The following UNC45A variants were observed in gnomAD, a reference collection of about 807,000 sequenced individuals.
The protein encoded by UNC45A is unc-45 myosin chaperone A, also known as protein unc-45 homolog A.
Under a neutral mutation model 103.2 loss-of-function variants are expected in UNC45A, and 78 were observed. That is an observed-to-expected ratio of 0.76 (90% CI 0.63 to 0.91). UNC45A has a LOEUF of 0.91. UNC45A is among the 40% of genes least tolerant of loss of function. UNC45A has a pLI of 0.00. For missense variants in UNC45A, 1,193 were observed against 1,224.8 expected, an observed-to-expected ratio of 0.97 and a Z score of 0.39; for synonymous variants, 495 against 504.6, an observed-to-expected ratio of 0.98 and a Z score of 0.25.
chr15:90,932,440 T>C, upstream of UNC45A: 1 of 1,364,680 alleles, frequency 7.3e-7, no homozygotes, highest in South Asian at 1.8e-5. Context: ...GATGGGGTGG[T>C]TGATGTAGGG....
In UNC45A at chr15:90,947,784, C is replaced by T. The variant is rs755113293; in HGVS notation, c.1501-12C>T. On this transcript the variant is annotated splice_polypyrimidine_tract_variant and intron_variant, in intron 10 of 19. Coordinates refer to ENST00000418476, the MANE Select transcript of UNC45A (RefSeq NM_018671.5). ...TCCCCAGAGGCCAACTGGTCTTGCC[C>T]TCTTCCTCCAGGGACTCTGTAAGCT... 4 of 1,612,322 alleles carry T rather than the reference C, an allele frequency of 2.5e-6. No individual in the cohort carries two copies. The South Asian group carries it at 3.3e-5, about 13-fold the overall frequency.
At chr15:90,931,299 G>A, upstream of UNC45A, 4 of 1,550,952 alleles carry the variant, frequency 2.6e-6, no homozygotes, top group Non-Finnish European at 2.6e-6. Context: ...CCCGCTGCTT[G>A]AACAGATGCT....
chr15:90,946,881 C>T lies in UNC45A; in HGVS notation c.1467C>T (p.Ser489=), dbSNP rs765959289. 2.9e-5 allele frequency: 46 copies of T among 1,602,622 alleles called. No individual in the cohort carries two copies. The highest frequency in any genetic ancestry group is 1.7e-4 in the Middle Eastern group (1 of 6,010). The change falls in exon 10 of 20, where the codon AGC becomes AGT. Residue 489 remains serine, a synonymous_variant. Coordinates refer to ENST00000418476, the MANE Select transcript of UNC45A (RefSeq NM_018671.5). ...TGCTGAAGGACCTATATAAGTGCAGCGAGAAGGACAGCATCCGCATCCGGG... is the reference window on the plus strand; with the variant it reads ...TGCTGAAGGACCTATATAAGTGCAGTGAGAAGGACAGCATCCGCATCCGGG... ...VSLLKDLYKC[S]EKDSIRIRAL...
At chr15:90,937,588 G>A (rs2036085168) in intron 4 of UNC45A, among the ~76,000 whole-genome samples, 1 of 151,300 alleles carries the variant, frequency 6.6e-6, no homozygotes, top group Non-Finnish European at 1.5e-5. Flanking sequence ...CCAGGTTCAA[G>A]TGAGTCTCCT....
At position 90,935,318 on chromosome 15, in the gene UNC45A, C is replaced by T; in HGVS notation, c.-7C>T. 6.2e-7 allele frequency: 1 copy of T among 1,603,198 alleles called. No homozygotes were observed. The highest frequency in any genetic ancestry group is 8.5e-7 in the Non-Finnish European group (1 of 1,176,616). On this transcript the variant is annotated 5_prime_UTR_variant, in exon 1 of 20. Transcript: ENST00000418476. The stretch of plus-strand genomic sequence containing the variant: ...CGCCTGCGCGGGCACGAGACAACCT[C>T]TCCGCGATGACTGTGAGTGGTCCAG...
Position 90,953,077 on chromosome 15 carries a change from CG to C in UNC45A, c.2421+35del, listed in dbSNP as rs748914542. 7 of 1,613,234 alleles carry C rather than the reference CG, an allele frequency of 4.3e-6. No individual in the cohort carries two copies. The Admixed American group carries it at 1.2e-4, about 27-fold the overall frequency. ...GGTTGGTCTGGGTGCTCATGACAGG[CG>C]GGGATGCAGAGGTACCTGTGCCCTG... On this transcript the variant is annotated intron_variant, in intron 18 of 19. Coordinates refer to ENST00000418476, the MANE Select transcript of UNC45A (RefSeq NM_018671.5).
In UNC45A at chr15:90,950,491, A is replaced by G; in HGVS notation, c.2188-9A>G. ...CAAGTACCCCTGACAGGTGGGGTGCACATTGCAGATCTATGAGGTGGTCCG... is the reference window on the plus strand; with the variant it reads ...CAAGTACCCCTGACAGGTGGGGTGCGCATTGCAGATCTATGAGGTGGTCCG... On this transcript the variant is annotated splice_polypyrimidine_tract_variant and intron_variant, in intron 16 of 19. Coordinates refer to ENST00000418476, the MANE Select transcript of UNC45A (RefSeq NM_018671.5). 1.2e-6 allele frequency: 2 copies of G among 1,613,624 alleles called. No homozygotes were observed. The highest frequency in any genetic ancestry group is 1.7e-6 in the Non-Finnish European group (2 of 1,179,792).
intron 3 of UNC45A, 63 bp from the exon 4 acceptor site, chr15:90,936,222 C>T (rs963404518): frequency 1.3e-4 from 200 of 1,556,288 alleles, no homozygotes; most frequent in Admixed American, 8.0e-5. Context: ...AGATCTTTCC[C>T]TACTGCTCTT....
chr15:90,930,812 C>G (rs949732742), upstream of UNC45A: 1 of 179,064 alleles, frequency 5.6e-6, no homozygotes, highest in South Asian at 1.0e-4. Flanking sequence ...GGGGTTGAGG[C>G]CCGCAACCTG....
intron 15 of UNC45A, 71 bp downstream of exon 15, chr15:90,949,791 A>G: frequency 1.4e-6 from 2 of 1,452,416 alleles, no homozygotes; most frequent in South Asian, 1.1e-5. Flanking sequence ...AGCAGCTGCC[A>G]CGCCAGAGCT....
intron 17 of UNC45A, among the ~76,000 whole-genome samples, chr15:90,950,985 C>A (rs959994634): frequency 3.9e-5 from 6 of 151,916 alleles, no homozygotes; most frequent in Non-Finnish European, 8.8e-5. Flanking sequence ...TGGCCCCTAG[C>A]ATTGTGCCAT....
upstream of UNC45A, chr15:90,932,653 T>A: frequency 6.9e-6 from 4 of 582,844 alleles, no homozygotes; most frequent in Non-Finnish European, 1.0e-5. Context: ...CGGGCCGAGT[T>A]GGGCCTGCCC....
Position 90,948,244 on chromosome 15 carries a change from G to A in UNC45A, c.1698G>A (p.Glu566=). The stretch of plus-strand genomic sequence containing the variant: ...CCGACGTGAAGGAAGAGTTTGTGGA[G>A]GATGCGGCTGCTCTGAAAGCTCTGT... The part of the protein sequence containing the change: ...FDADVKEEFV[E]DAAALKALFQ... The change falls in exon 12 of 20, where the codon GAG becomes GAA. Residue 566 remains glutamate (E), a synonymous_variant. Transcript: ENST00000418476. 6.2e-7 allele frequency: 1 copy of A among 1,614,114 alleles called. No homozygotes were observed. Among genetic ancestry groups the A allele is most frequent in the Non-Finnish European group, 8.5e-7 (1 of 1,180,044 alleles).
rs1304182372 is a variant in UNC45A at position 90,950,279 on chromosome 15, C to T, written c.2187+12C>T. 1 of 1,551,482 alleles carries T rather than the reference C, an allele frequency of 6.4e-7. No individual in the cohort carries two copies. Among genetic ancestry groups the T allele is most frequent in the South Asian group, 1.2e-5 (1 of 84,056 alleles). On this transcript the variant is annotated intron_variant, in intron 16 of 19. Transcript: ENST00000418476. ...TCCCTGGCGAGCGGGTACGTGTCTT[C>T]CTGCCCCGGCCTTTCCACTCCCTCT...
At chr15:90,932,598 C>T, upstream of UNC45A, 1 of 1,080,750 alleles carries the variant, frequency 9.3e-7, no homozygotes, top group Non-Finnish European at 1.2e-6. Context: ...GTTTACAGCG[C>T]CCCCTGGCGC....
rs1225941714 is a variant in UNC45A at position 90,939,818 on chromosome 15, C to G, written c.514C>G (p.Gln172Glu). The G allele has an allele frequency of 6.2e-7, 1 of 1,614,008 alleles. No homozygotes were observed. The highest frequency in any genetic ancestry group is 1.1e-5 in the South Asian group (1 of 91,082). ...DPEEKGTEKK[Q>E]KASQNLVVLA... ...AGAAGAGAAGGGCACTGAGAAAAAG[C>G]AAAAGGTATAGGCCCTGGGCTGAGT... Residue 172 changes from glutamine to glutamate, a missense_variant, in exon 5 of 20, where the codon CAA (glutamine) becomes GAA (glutamate). Gln to Glu is a conservative substitution (Grantham distance 29). Coordinates refer to ENST00000418476, the MANE Select transcript of UNC45A (RefSeq NM_018671.5).
At position 90,952,947 on chromosome 15, in the gene UNC45A, G is replaced by C; in HGVS notation, c.2322G>C (p.Glu774Asp). The change falls in exon 18 of 20, where the codon GAG becomes GAC. Residue 774 changes from glutamate to aspartate, a missense_variant. Transcript: ENST00000418476. ...SERLRQKILK[E>D]KAVPMIEGYM... ...CCTGCAGGCAGAAGATCCTGAAGGA[G>C]AAGGCTGTGCCCATGATAGAAGGCT... 1 of 1,613,120 alleles carries C rather than the reference G, an allele frequency of 6.2e-7. No individual in the cohort carries two copies. The highest frequency in any genetic ancestry group is 1.1e-5 in the South Asian group (1 of 91,084).
chr15:90,947,221 T>C, intron 10 of UNC45A: 1 of 364,334 alleles, frequency 2.7e-6, no homozygotes, highest in Non-Finnish European at 5.1e-6. Context: ...TTCTGGGCTT[T>C]CTTGTGGTGA....
chr15:90,940,317 C>A lies in UNC45A; in HGVS notation c.531C>A (p.Asn177Lys), dbSNP rs754927225. ...GTEKKQKASQNLVVLAREDAG... is the reference protein window; with the variant it reads ...GTEKKQKASQKLVVLAREDAG... ...TTCCTTTGACGCAGGCTTCTCAGAA[C>A]CTGGTGGTGCTGGCCAGGGAGGATG... Residue 177 changes from asparagine (N) to lysine (K), a missense_variant, in exon 6 of 20, where the codon AAC (asparagine) becomes AAA (lysine). By Grantham distance (94) the Asn-to-Lys change is moderately conservative. Coordinates refer to ENST00000418476, the MANE Select transcript of UNC45A (RefSeq NM_018671.5). 4 of 1,613,086 alleles carry A rather than the reference C, an allele frequency of 2.5e-6. No individual in the cohort carries two copies. The highest frequency in any genetic ancestry group is 2.5e-6 in the Non-Finnish European group (3 of 1,179,466).
Sources: gnomAD v4.1 joint callset for allele counts (sites outside exome capture counted in the v4.1 genomes callset) on GRCh38, gnomAD v4.1.1 for gene constraint, MANE v1.5 for transcripts, NCBI Gene and HGNC (gene_info 2026-07-23, HGNC 2026-07-21) for gene names.